Variants in ADGRA3 observed in about 807,000 individuals in gnomAD.
ADGRA3 encodes the protein G-protein coupled receptor 125.
ADGRA3 carries 56 observed loss-of-function variants against 119.8 expected under a neutral mutation model. The ratio of observed to expected loss-of-function variants is 0.47; its 90% CI spans 0.38 to 0.58. ADGRA3 has a LOEUF of 0.58. Ranked by LOEUF, ADGRA3 falls within the 20% of genes least tolerant of loss-of-function variation. The pLI, the probability that ADGRA3 is intolerant of heterozygous loss-of-function variation, is 0.00. For missense variants in ADGRA3, 1,516 were observed against 1,649.0 expected (o/e 0.92, Z 1.40); for synonymous variants, 607 against 623.8 (o/e 0.97, Z 0.40).
chr4:22,415,543 T>C (rs963339473), intron 12 of ADGRA3, among the ~76,000 whole-genome samples: 1 of 152,016 alleles, frequency 6.6e-6, no homozygotes, highest in Admixed American at 6.6e-5. Flanking sequence ...TAATGACACA[T>C]GCAAAGAGAG....
At chr4:22,450,936 GAAAAAA>G (rs59216994) in intron 4 of ADGRA3, among the ~76,000 whole-genome samples, 3 of 126,074 alleles carry the variant, frequency 2.4e-5, no homozygotes, top group Non-Finnish European at 5.0e-5. Context: ...GGATATAACA[GAAAAAA>G]AAAAAAAAAA....
chr4:22,475,595 T>C (rs926863588), intron 1 of ADGRA3, among the ~76,000 whole-genome samples: 1 of 151,878 alleles, frequency 6.6e-6, no homozygotes, highest in African/African-American at 2.4e-5. Context: ...GGCGTAGTGG[T>C]GGGCACCTAT....
intron 17 of ADGRA3, among the ~76,000 whole-genome samples, chr4:22,391,397 A>G (rs1254794195): frequency 6.6e-6 from 1 of 152,126 alleles, no homozygotes; most frequent in Non-Finnish European, 1.5e-5. Flanking sequence ...CTAGCTAGCT[A>G]GAATAGACAA....
intron 17 of ADGRA3, among the ~76,000 whole-genome samples, chr4:22,391,989 A>T (rs1714152735): frequency 6.6e-6 from 1 of 151,882 alleles, no homozygotes; most frequent in Non-Finnish European, 1.5e-5. Flanking sequence ...CAGACTATAA[A>T]CTCCCAAAGG....
chr4:22,403,922 T>C (rs1714779104), intron 14 of ADGRA3, among the ~76,000 whole-genome samples: 1 of 152,174 alleles, frequency 6.6e-6, no homozygotes, highest in Non-Finnish European at 1.5e-5. Flanking sequence ...ATTATGTGCC[T>C]TAAGGATTAG....
At chr4:22,430,268 A>C (rs1716107286) in intron 10 of ADGRA3, among the ~76,000 whole-genome samples, 2 of 152,188 alleles carry the variant, frequency 1.3e-5, no homozygotes, top group African/African-American at 4.8e-5. Flanking sequence ...ATACCCAAAA[A>C]TGTGGAAGCA....
chr4:22,396,165 C>A (rs1317489760), intron 16 of ADGRA3, among the ~76,000 whole-genome samples: 2 of 152,180 alleles, frequency 1.3e-5, no homozygotes, highest in African/African-American at 4.8e-5. Context: ...CACTTCGTCA[C>A]TCAACTTCTT....
chr4:22,389,963 A>G (rs1163847180), intron 17 of ADGRA3, among the ~76,000 whole-genome samples: 3 of 152,124 alleles, frequency 2.0e-5, no homozygotes, highest in African/African-American at 7.2e-5. Flanking sequence ...GATAAAGGCA[A>G]TATCTCTGAT....
intron 12 of ADGRA3, among the ~76,000 whole-genome samples, chr4:22,418,943 A>G (rs1715539909): frequency 6.6e-6 from 1 of 152,140 alleles, no homozygotes; most frequent in South Asian, 2.1e-4. Flanking sequence ...GTATTTCAAT[A>G]TTTTACTAAG....
intron 1 of ADGRA3, among the ~76,000 whole-genome samples, chr4:22,491,555 T>C (rs1440259117): frequency 6.6e-6 from 1 of 152,088 alleles, no homozygotes; most frequent in East Asian, 1.9e-4. Context: ...GAGAGAATGC[T>C]CCCACCCACG....
In ADGRA3 at chr4:22,388,393, C is replaced by G. The variant is rs376102632; in HGVS notation, c.3278G>C (p.Ser1093Thr). The change falls in exon 19 of 19, where the codon AGT becomes ACT. Residue 1093 changes from serine to threonine, a missense_variant. Transcript: ENST00000334304. ...NGEAPKCPNSSAESSCTNKSA... is the reference protein window; with the variant it reads ...NGEAPKCPNSTAESSCTNKSA... Reference sequence around the variant, plus strand: ...TTTGTTTGTGCATGAAGACTCCGCACTGCTATTGGGGCATTTGGGTGCCTC... The same window carrying G: ...TTTGTTTGTGCATGAAGACTCCGCAGTGCTATTGGGGCATTTGGGTGCCTC... 2 of 1,613,936 alleles carry G rather than the reference C, an allele frequency of 1.2e-6. No homozygotes were observed. Among genetic ancestry groups the G allele is most frequent in the African/African-American group, 2.7e-5 (2 of 74,910 alleles).
intron 16 of ADGRA3, among the ~76,000 whole-genome samples, chr4:22,399,953 C>G (rs1471874521): frequency 3.9e-5 from 6 of 152,128 alleles, no homozygotes; most frequent in African/African-American, 1.4e-4. Context: ...TTTAGGTCTT[C>G]TTTAATACAC....
At chr4:22,505,540 G>A (rs527870651) in intron 1 of ADGRA3, among the ~76,000 whole-genome samples, 9 of 151,564 alleles carry the variant, frequency 5.9e-5, no homozygotes, top group African/African-American at 1.9e-4. Flanking sequence ...CCAGCTACTC[G>A]AGAGGCTAAG....
Position 22,407,322 on chromosome 4 carries a change from C to T in ADGRA3, c.2233-4523G>A, listed in dbSNP as rs182671613. 9.1e-3 allele frequency among the ~76,000 whole-genome samples: 1,387 copies of T among 151,870 alleles called. 13 individuals are homozygous for T. Among genetic ancestry groups the T allele is most frequent in the South Asian group, 0.033 (159 of 4,792 alleles). The stretch of plus-strand genomic sequence containing the variant: ...TACGGCAATTGAGAATTTTAGAATA[C>T]CAGGATAGTAAACAAGTTAAAGCTC... On this transcript the variant is annotated intron_variant, in intron 14 of 18. Transcript: ENST00000334304.
At chr4:22,403,297 A>T (rs945911935) in intron 14 of ADGRA3, among the ~76,000 whole-genome samples, 3 of 152,078 alleles carry the variant, frequency 2.0e-5, no homozygotes, top group African/African-American at 4.8e-5. Context: ...AGGGCATTGG[A>T]GACATAACGG....
chr4:22,448,013 G>C (rs1423551687), intron 4 of ADGRA3, among the ~76,000 whole-genome samples: 1 of 152,114 alleles, frequency 6.6e-6, no homozygotes, highest in Non-Finnish European at 1.5e-5. Context: ...TGAGAGACTG[G>C]GGATATAATT....
intron 1 of ADGRA3, among the ~76,000 whole-genome samples, chr4:22,505,899 C>T (rs1159844929): frequency 6.6e-6 from 1 of 152,130 alleles, no homozygotes; most frequent in Non-Finnish European, 1.5e-5. Flanking sequence ...TAAGAAGTCA[C>T]ATACATCCAC....
intron 4 of ADGRA3, among the ~76,000 whole-genome samples, chr4:22,449,961 G>A (rs1013952311): frequency 6.6e-6 from 1 of 152,034 alleles, no homozygotes. Context: ...AGAAGGACAT[G>A]CCATCTTCTT....
At position 22,413,749 on chromosome 4, in the gene ADGRA3, T is replaced by C. The variant is rs1715317005; in HGVS notation, c.1875A>G (p.Glu625=). The C allele has an allele frequency of 1.9e-6, 3 of 1,613,744 alleles. No individual in the cohort carries two copies. The highest frequency in any genetic ancestry group is 1.7e-5 in the Admixed American group (1 of 59,954). The change falls in exon 13 of 19, where the codon GAA becomes GAG. Residue 625 remains glutamate (E), a synonymous_variant. Transcript: ENST00000334304. ...AAAGAGAGTCATCAGTTGGTCTGAG[T>C]TCTCTTTTTTGCTTTGGTGAGAAAA... ...PSLFSPKQKR[E]LRPTDDSLYK...
Sources: allele counts gnomAD v4.1 joint callset (sites outside exome capture counted in the v4.1 genomes callset), GRCh38; gene constraint gnomAD v4.1.1; transcripts MANE v1.5; gene names NCBI Gene and HGNC (gene_info 2026-07-23, HGNC 2026-07-21).